The following CTIF variants were observed in gnomAD, a reference collection of about 807,000 sequenced individuals.
The protein encoded by CTIF is cap binding complex dependent translation initiation factor.
In CTIF, 21 loss-of-function variants were observed where a neutral mutation model predicts 66.0. The ratio of observed to expected loss-of-function variants is 0.32; its 90% CI spans 0.23 to 0.46. The LOEUF is 0.46. Among genes scored for constraint, CTIF ranks in the 20% least tolerant of loss-of-function variants. CTIF has a pLI of 1.00. For missense variants in CTIF, 739 were observed against 812.7 expected, an observed-to-expected ratio of 0.91 and a Z score of 1.10; for synonymous variants, 345 against 326.4, an observed-to-expected ratio of 1.06 and a Z score of -0.62.
intron 1 of CTIF, among the ~76,000 whole-genome samples, chr18:48,580,196 A>G (rs926701797): frequency 4.6e-5 from 7 of 152,214 alleles, no homozygotes; most frequent in African/African-American, 1.7e-4. Context: ...CCAGAAAGCC[A>G]GAGTCTGTGG....
intron 3 of CTIF, among the ~76,000 whole-genome samples, chr18:48,654,478 A>G (rs1207247095): frequency 1.3e-5 from 2 of 152,216 alleles, no homozygotes; most frequent in African/African-American, 2.4e-5. Flanking sequence ...GAAATAACAG[A>G]TGCTGGAGAG....
intron 7 of CTIF, among the ~76,000 whole-genome samples, chr18:48,748,510 C>T (rs1598971576): frequency 6.6e-6 from 1 of 152,206 alleles, no homozygotes; most frequent in Admixed American, 6.5e-5. Context: ...AGGCCCATTC[C>T]CTGGGAAGGC....
chr18:48,657,704 T>G (rs72909739), intron 3 of CTIF, among the ~76,000 whole-genome samples: 8,119 of 152,018 alleles, frequency 0.053, 569 homozygotes, highest in African/African-American at 0.16. Flanking sequence ...GGAAGAGTCC[T>G]CAACTAGATC....
intron 1 of CTIF, among the ~76,000 whole-genome samples, chr18:48,586,416 G>A (rs1032315770): frequency 6.6e-6 from 1 of 151,936 alleles, no homozygotes; most frequent in African/African-American, 2.4e-5. Context: ...GATTACAGGC[G>A]TATGCCACCA....
intron 2 of CTIF, among the ~76,000 whole-genome samples, chr18:48,624,856 A>T (rs1156758275): frequency 6.6e-6 from 1 of 152,168 alleles, no homozygotes; most frequent in Non-Finnish European, 1.5e-5. Flanking sequence ...GTTTCCAGTA[A>T]ATTCTTGTTA....
In CTIF at chr18:48,674,324, AC is replaced by A. The variant is rs569841524; in HGVS notation, c.507+3584del. On this transcript the variant is annotated intron_variant, in intron 6 of 11. Coordinates refer to ENST00000256413, the MANE Select transcript of CTIF (RefSeq NM_014772.3). ...CAAAGTCTGGGTCCTCTCCCAGTACACCCCACCTTCCTCCCCTGTGCTGCTG... is the reference window on the plus strand; with the variant it reads ...CAAAGTCTGGGTCCTCTCCCAGTACACCCACCTTCCTCCCCTGTGCTGCTG... 3.1e-4 allele frequency among the ~76,000 whole-genome samples: 47 copies of A among 152,142 alleles called. 1 individual carries two copies. Among genetic ancestry groups the A allele is most frequent in the Non-Finnish European group, 4.9e-4 (33 of 68,014 alleles).
intron 8 of CTIF, among the ~76,000 whole-genome samples, chr18:48,759,670 C>T (rs1288256906): frequency 6.6e-6 from 1 of 152,210 alleles, no homozygotes. Context: ...ATACTACACA[C>T]CTTGCTGAGA....
rs1416063642 is a variant in CTIF, at chr18:48,690,860, G to A, written c.507+20116G>A. Among the ~76,000 whole-genome samples the A allele has an allele frequency of 3.3e-5, 5 of 152,182 alleles. No homozygotes were observed. The East Asian group carries it at 7.7e-4, about 23-fold the overall frequency. ...AACCACCATCTCAGAAGGCTGTAGT[G>A]AGAATCAAGCAAGACAATAATGGAG... On this transcript the variant is annotated intron_variant, in intron 6 of 11. Transcript: ENST00000256413.
At chr18:48,753,980 G>A (rs117517292) in intron 7 of CTIF, among the ~76,000 whole-genome samples, 4,364 of 152,332 alleles carry the variant, frequency 0.029, 92 homozygotes, top group Middle Eastern at 0.041. Flanking sequence ...GAGAGGAGCT[G>A]GTTTTGGCTG....
In CTIF at chr18:48,817,069, G is replaced by A. The variant is rs148057190; in HGVS notation, c.1372-152G>A. The A allele has an allele frequency of 5.3e-5, 38 of 717,944 alleles. No homozygotes were observed. The African/African-American group carries it at 6.4e-4, about 12-fold the overall frequency. 44.5% of individuals were successfully genotyped at this position (717,944 alleles called of 1,614,324 possible). A position where few individuals can be genotyped will look rare whatever the true frequency, so the allele number is the denominator to read the frequency against. ...GTCAGGGTGGTCCCAGCCACAGAGAGTGCAATCACGCACCCCCATCCTCAT... is the reference window on the plus strand; with the variant it reads ...GTCAGGGTGGTCCCAGCCACAGAGAATGCAATCACGCACCCCCATCCTCAT... On this transcript the variant is annotated intron_variant, in intron 9 of 11. Transcript: ENST00000256413.
intron 1 of CTIF, among the ~76,000 whole-genome samples, chr18:48,555,158 C>T (rs1258252732): frequency 2.0e-5 from 3 of 152,182 alleles, no homozygotes; most frequent in Admixed American, 6.5e-5. Context: ...CTGAGTGGTG[C>T]AGGAATCATG....
intron 10 of CTIF, among the ~76,000 whole-genome samples, chr18:48,847,378 A>G (rs1213100871): frequency 6.6e-6 from 1 of 152,080 alleles, no homozygotes; most frequent in Non-Finnish European, 1.5e-5. Context: ...GGAAATTAAT[A>G]TCATTCCGTA....
intron 9 of CTIF, among the ~76,000 whole-genome samples, chr18:48,763,961 T>C (rs1300639664): frequency 2.6e-5 from 4 of 152,082 alleles, no homozygotes; most frequent in African/African-American, 4.8e-5. Flanking sequence ...GAGACCTAGT[T>C]CTGCAGGTGC....
At chr18:48,604,478 T>G (rs1018437460) in intron 1 of CTIF, among the ~76,000 whole-genome samples, 1 of 151,978 alleles carries the variant, frequency 6.6e-6, no homozygotes, top group East Asian at 1.9e-4. Flanking sequence ...GCGCCCGGCG[T>G]TTTAAGGCTT....
rs116677760 is a variant in CTIF at position 48,607,619 on chromosome 18, C to T, written c.-28-11919C>T. 2.3e-3 allele frequency among the ~76,000 whole-genome samples: 344 copies of T among 152,356 alleles called. 2 individuals carry two copies. Among genetic ancestry groups the T allele is most frequent in the African/African-American group, 7.7e-3 (321 of 41,578 alleles). ...CCAAGGAAAGGAGCAGACAGGTCCTCAGCCTCCAGGAGCTCATAGTTTAGC... is the reference window on the plus strand; with the variant it reads ...CCAAGGAAAGGAGCAGACAGGTCCTTAGCCTCCAGGAGCTCATAGTTTAGC... On this transcript the variant is annotated intron_variant, in intron 1 of 11. Coordinates refer to ENST00000256413, the MANE Select transcript of CTIF (RefSeq NM_014772.3).
rs997782287 is a variant in CTIF, at chr18:48,685,466, G to A, written c.507+14722G>A. On this transcript the variant is annotated intron_variant, in intron 6 of 11. Transcript: ENST00000256413. ...TTGAATTCCTGACATCAGATGATCC[G>A]CCTGCCTCGACCTCCCAAAGTGCTG... is the stretch of plus-strand genomic sequence containing the variant. 5.9e-5 allele frequency among the ~76,000 whole-genome samples: 9 copies of A among 151,876 alleles called. No individual in the cohort carries two copies. In the South Asian group the frequency reaches 8.3e-4, roughly 14 times the overall value.
At chr18:48,554,856 AGGCCATTACTTGGCAGCCCG>A in intron 1 of CTIF, among the ~76,000 whole-genome samples, 1 of 152,250 alleles carries the variant, frequency 6.6e-6, no homozygotes, top group Non-Finnish European at 1.5e-5. Context: ...TTTGCAGCCC[AGGCCATTACTTGGCAGCCCG>A]GGCCTAAAGA....
At chr18:48,683,947 A>G (rs1415063799) in intron 6 of CTIF, among the ~76,000 whole-genome samples, 1 of 152,166 alleles carries the variant, frequency 6.6e-6, no homozygotes, top group Non-Finnish European at 1.5e-5. Flanking sequence ...GCTGGCCACT[A>G]GTTCTATGTT....
intron 10 of CTIF, among the ~76,000 whole-genome samples, chr18:48,839,655 T>G (rs955851820): frequency 4.6e-5 from 7 of 152,194 alleles, no homozygotes; most frequent in African/African-American, 1.7e-4. Context: ...CAGTCTCACT[T>G]TACAGCCTTA....
Sources: gnomAD v4.1 joint callset for allele counts (sites outside exome capture counted in the v4.1 genomes callset) on GRCh38, gnomAD v4.1.1 for gene constraint, MANE v1.5 for transcripts, NCBI Gene and HGNC (gene_info 2026-07-23, HGNC 2026-07-21) for gene names.